The following SPATA13 variants were observed in gnomAD, a reference collection of about 807,000 sequenced individuals.
The protein encoded by SPATA13 is spermatogenesis associated 13.
Under a neutral mutation model 104.0 loss-of-function variants are expected in SPATA13, and 50 were observed. The observed-to-expected ratio is 0.48, with a 90% CI of 0.38 to 0.61. SPATA13 has a LOEUF of 0.61. Among genes scored for constraint, SPATA13 ranks in the 20% least tolerant of loss-of-function variants. The pLI is 0.00. For missense variants in SPATA13, 1,524 were observed against 1,690.6 expected (o/e 0.90, Z 1.73); for synonymous variants, 606 against 667.5 (o/e 0.91, Z 1.42).
intron 3 of SPATA13, among the ~76,000 whole-genome samples, chr13:24,022,451 A>T (rs756254193): frequency 2.0e-5 from 3 of 152,236 alleles, no homozygotes; most frequent in Admixed American, 2.0e-4. Flanking sequence ...ACTTCTTAGC[A>T]TACTAGAGGT....
chr13:24,195,535 A>G (rs961400458), intron 1 of SPATA13, among the ~76,000 whole-genome samples: 1 of 152,198 alleles, frequency 6.6e-6, no homozygotes, highest in Non-Finnish European at 1.5e-5. Flanking sequence ...AATTATTTCC[A>G]AAGTGGCTGC....
intron 1 of SPATA13, among the ~76,000 whole-genome samples, chr13:24,221,150 G>T (rs1200517507): frequency 6.6e-6 from 1 of 152,176 alleles, no homozygotes; most frequent in African/African-American, 2.4e-5. Flanking sequence ...GTTTACTGCA[G>T]TGGAGAAGAG....
chr13:24,270,795 G>A, intron 4 of SPATA13: 6 of 1,611,572 alleles, frequency 3.7e-6, no homozygotes, highest in Middle Eastern at 1.6e-4. Context: ...GTGATGCTTG[G>A]GGACCGGCTC....
chr13:24,200,936 T>C (rs1566147346), intron 1 of SPATA13, among the ~76,000 whole-genome samples: 1 of 152,130 alleles, frequency 6.6e-6, no homozygotes, highest in Non-Finnish European at 1.5e-5. Context: ...ATGTGTCTGA[T>C]TACGTCCTTG....
intron 3 of SPATA13, among the ~76,000 whole-genome samples, chr13:24,074,498 C>CTCATGATG (rs11282320): frequency 0.14 from 22,016 of 151,958 alleles, 1,934 homozygotes; most frequent in East Asian, 0.31. Context: ...TTTAATTGTA[C>CTCATGATG]TCATGATGAC....
intron 3 of SPATA13, among the ~76,000 whole-genome samples, chr13:24,071,252 T>G (rs1242035851): frequency 2.6e-5 from 4 of 152,134 alleles, no homozygotes; most frequent in African/African-American, 9.7e-5. Context: ...CACATTGGAA[T>G]GGAGGGCAGC....
intron 3 of SPATA13, among the ~76,000 whole-genome samples, chr13:24,059,154 G>A (rs1449294882): frequency 6.6e-6 from 1 of 151,422 alleles, no homozygotes; most frequent in Non-Finnish European, 1.5e-5. Flanking sequence ...TGTATTTTTA[G>A]TAGAGACGGG....
intron 1 of SPATA13, among the ~76,000 whole-genome samples, chr13:24,189,980 TAA>T (rs1418251145): frequency 1.4e-3 from 15 of 10,472 alleles, no homozygotes; most frequent in East Asian, 0.012. Context: ...ATATATTATA[TAA>T]ATAATTATAT....
At chr13:24,164,040 A>G (rs975092797) in intron 1 of SPATA13, among the ~76,000 whole-genome samples, 5 of 152,240 alleles carry the variant, frequency 3.3e-5, no homozygotes, top group African/African-American at 9.6e-5. Flanking sequence ...AGAAAGAACT[A>G]TCATTGTTAT....
At chr13:23,981,131 T>C (rs1362755992) in intron 1 of SPATA13, among the ~76,000 whole-genome samples, 1 of 152,174 alleles carries the variant, frequency 6.6e-6, no homozygotes, top group African/African-American at 2.4e-5. Context: ...AGTTCTACTG[T>C]TGGAAAGATG....
intron 3 of SPATA13, among the ~76,000 whole-genome samples, chr13:24,091,005 C>T (rs1879891399): frequency 6.6e-6 from 1 of 152,204 alleles, no homozygotes; most frequent in African/African-American, 2.4e-5. Flanking sequence ...TCATTTGTAG[C>T]TCCCGAAGTC....
chr13:24,235,416 AAG>A (rs1872520592), intron 2 of SPATA13, among the ~76,000 whole-genome samples: 1 of 152,216 alleles, frequency 6.6e-6, no homozygotes, highest in African/African-American at 2.4e-5. Flanking sequence ...GCATGCCGGA[AAG>A]AGAGAAAGAT....
At chr13:24,144,792 G>A (rs188639765) in intron 3 of SPATA13, among the ~76,000 whole-genome samples, 26 of 152,236 alleles carry the variant, frequency 1.7e-4, no homozygotes, top group African/African-American at 4.8e-4. Flanking sequence ...TGGCAGCCTC[G>A]TGCAGTACGG....
Position 24,306,440 on chromosome 13 carries a change from A to G in SPATA13, c.*3667A>G, listed in dbSNP as rs1877580964. 1.3e-5 allele frequency: 2 copies of G among 152,212 alleles called. No homozygotes were observed. Among genetic ancestry groups the G allele is most frequent in the Non-Finnish European group, 2.9e-5 (2 of 68,042 alleles). The allele number at this position is 152,212 out of a possible 1,614,324, so 9.4% of individuals were successfully genotyped here. ...CTCAAAGGAGTGTCAAGAAGTATGAATAAATGTCCTTTCACCAGCTCACAG... is the reference window on the plus strand; with the variant it reads ...CTCAAAGGAGTGTCAAGAAGTATGAGTAAATGTCCTTTCACCAGCTCACAG... On this transcript the variant is annotated 3_prime_UTR_variant, in exon 13 of 13. Transcript: ENST00000382108.
chr13:24,025,809 C>CT (rs1478697914), intron 3 of SPATA13, among the ~76,000 whole-genome samples: 4 of 94,074 alleles, frequency 4.3e-5, no homozygotes, highest in African/African-American at 1.6e-4. Flanking sequence ...TTCTTTCTTT[C>CT]TTTCTTTTTT....
intron 3 of SPATA13, among the ~76,000 whole-genome samples, chr13:24,139,413 G>A (rs1014164748): frequency 1.3e-5 from 2 of 152,152 alleles, no homozygotes; most frequent in East Asian, 1.9e-4. Flanking sequence ...AATACAAACA[G>A]GACGTTCTGA....
Position 24,223,238 on chromosome 13 carries a change from C to T in SPATA13, c.309C>T (p.Asn103=). The change falls in exon 2 of 13, where the codon AAC becomes AAT. Residue 103 remains asparagine (N), a synonymous_variant. Transcript: ENST00000382108. ...MVLVGNSSTW[N]TLASFRKMGS... Reference sequence around the variant, plus strand: ...TGGTGGGGAACTCCTCCACATGGAACACCCTCGCCTCCTTCCGGAAAATGG... The same window carrying T: ...TGGTGGGGAACTCCTCCACATGGAATACCCTCGCCTCCTTCCGGAAAATGG... The T allele has an allele frequency of 6.4e-7, 1 of 1,551,716 alleles. No individual in the cohort carries two copies. The highest frequency in any genetic ancestry group is 8.7e-7 in the Non-Finnish European group (1 of 1,147,002).
chr13:24,185,095 C>T (rs905305640), intron 1 of SPATA13, among the ~76,000 whole-genome samples: 4 of 152,162 alleles, frequency 2.6e-5, no homozygotes, highest in Admixed American at 6.5e-5. Flanking sequence ...GTTGCCAGTT[C>T]GGGCATTTCC....
intron 3 of SPATA13, among the ~76,000 whole-genome samples, chr13:24,151,253 G>T (rs1211711096): frequency 2.6e-5 from 4 of 152,200 alleles, no homozygotes. Flanking sequence ...GTTACATCAG[G>T]ACTTTGAAAG....
Sources: allele counts gnomAD v4.1 joint callset (sites outside exome capture counted in the v4.1 genomes callset), GRCh38; gene constraint gnomAD v4.1.1; transcripts MANE v1.5; gene names NCBI Gene and HGNC (gene_info 2026-07-23, HGNC 2026-07-21).